The following TTC34 variants were observed in gnomAD, a reference collection of about 807,000 sequenced individuals.
TTC34 encodes the protein tetratricopeptide repeat domain 34.
TTC34 carries 44 observed loss-of-function variants against 40.7 expected under a neutral mutation model. The observed-to-expected ratio is 1.08, with a 90% confidence interval of 0.85 to 1.39. TTC34 has a LOEUF of 1.39. Among genes scored for constraint, TTC34 ranks in the 40% most tolerant of loss-of-function variants. The pLI, the probability that TTC34 is intolerant of heterozygous loss-of-function variation, is 0.00. For missense variants in TTC34, 884 were observed against 838.0 expected, an observed-to-expected ratio of 1.05 and a Z score of -0.68; for synonymous variants, 422 against 398.6, an observed-to-expected ratio of 1.06 and a Z score of -0.70.
exon 2 of TTC34, chr1:2,800,493 A>C: frequency 2.5e-6 from 1 of 398,630 alleles, no homozygotes. Flanking sequence ...GCGGGCCAGC[A>C]GACCTGCCAG....
intron 6 of TTC34, among the ~76,000 whole-genome samples, chr1:2,660,797 G>T (rs1304235773): frequency 4.7e-5 from 6 of 128,724 alleles, no homozygotes; most frequent in African/African-American, 9.4e-5. Flanking sequence ...CACACCCCCA[G>T]GTGAGCATCT....
chr1:2,684,983 G>C (rs567555097), intron 6 of TTC34, among the ~76,000 whole-genome samples: 1 of 142,660 alleles, frequency 7.0e-6, no homozygotes, highest in Admixed American at 7.0e-5. Flanking sequence ...TGACAGCTTA[G>C]AACAGCACCC....
rs1224136028 is a variant in TTC34, at chr1:2,641,577, C to G, written c.3031G>C (p.Ala1011Pro). 1.6e-5 allele frequency: 25 copies of G among 1,532,966 alleles called. No homozygotes were observed. In the Admixed American group the frequency reaches 4.5e-4, roughly 28 times the overall value. The allele number at this position is 1,532,966 out of a possible 1,614,324, so 95.0% of individuals were successfully genotyped here. A position where few individuals can be genotyped will look rare whatever the true frequency, so the allele number is the denominator to read the frequency against. ...GGCTGCCTGCACAGGCTGTTCTGGG[C>G]CAAGGAGGGCGCCAGCTTCAGGGCC... Residue 1011 changes from alanine (A) to proline (P), a missense_variant, in exon 9 of 9, where the codon GCC (alanine) becomes CCC (proline). Physicochemically the swap from Ala to Pro is conservative, Grantham distance 27. Coordinates refer to ENST00000401095, the Ensembl canonical transcript of TTC34.
chr1:2,654,013 C>T (rs1450082051), intron 6 of TTC34, among the ~76,000 whole-genome samples: 1 of 148,322 alleles, frequency 6.7e-6, no homozygotes, highest in Non-Finnish European at 1.5e-5. Flanking sequence ...CCCACACCCC[C>T]AGGCGAGCAT....
rs1210693567 is a variant in TTC34 at position 2,757,689 on chromosome 1, C to T, written c.2226+25920G>A. On this transcript the variant is annotated intron_variant, in intron 6 of 8. Coordinates refer to ENST00000401095, the Ensembl canonical transcript of TTC34. ...CCCACACCCCTAGGTGAACATCCGACATCGTGGAGCAGCACCCCACACCCA... is the reference window on the plus strand; with the variant it reads ...CCCACACCCCTAGGTGAACATCCGATATCGTGGAGCAGCACCCCACACCCA... Among the ~76,000 whole-genome samples the T allele has an allele frequency of 6.1e-4, 73 of 119,568 alleles. 3 individuals are homozygous for T. Among genetic ancestry groups the T allele is most frequent in the Admixed American group, 1.8e-3 (22 of 11,938 alleles). The allele number at this position is 119,568 out of a possible 152,430, so 78.4% of individuals were successfully genotyped here. A position where few individuals can be genotyped will look rare whatever the true frequency, so the allele number is the denominator to read the frequency against.
intron 6 of TTC34, among the ~76,000 whole-genome samples, chr1:2,777,840 C>A (rs558380862): frequency 4.6e-5 from 7 of 152,318 alleles, no homozygotes; most frequent in African/African-American, 1.4e-4. Flanking sequence ...CGGCCCTGGA[C>A]ACAGCGGGAG....
At chr1:2,651,362 T>G (rs1639128702) in intron 6 of TTC34, among the ~76,000 whole-genome samples, 1 of 151,860 alleles carries the variant, frequency 6.6e-6, no homozygotes. Context: ...AACCCATAGA[T>G]GAGTATGGGA....
In TTC34 at chr1:2,778,572, A is replaced by G. The variant is rs559456340; in HGVS notation, c.2226+5037T>C. ...GCTGGAGGAACCACTGTTCAGCCAC[A>G]TCTCCTCTCCTGCCCCTCCTGCATT... On this transcript the variant is annotated intron_variant, in intron 6 of 8. Transcript: ENST00000401095. Among the ~76,000 whole-genome samples, 8 of 152,218 alleles carry G rather than the reference A, an allele frequency of 5.3e-5. No homozygotes were observed. In the East Asian group the frequency reaches 1.6e-3, roughly 30 times the overall value.
At chr1:2,686,624 A>C (rs1304600834) in intron 6 of TTC34, among the ~76,000 whole-genome samples, 345 of 47,966 alleles carry the variant, frequency 7.2e-3, no homozygotes, top group African/African-American at 0.013. Flanking sequence ...ATCTGACAGC[A>C]TGTAACAGCA....
chr1:2,787,478 C>T lies in TTC34; in HGVS notation c.1854+3G>A. 3 of 1,477,056 alleles carry T rather than the reference C, an allele frequency of 2.0e-6. No homozygotes were observed. Among genetic ancestry groups the T allele is most frequent in the Admixed American group, 2.4e-5 (1 of 41,922 alleles). The allele number at this position is 1,477,056 out of a possible 1,614,324, so 91.5% of individuals were successfully genotyped here. On this transcript the variant is annotated splice_donor_region_variant and intron_variant, in intron 4 of 8. Transcript: ENST00000401095. ...CCCTCTGTCACCCCCCAGGCCTCCTCACCTGGTTGGCGTCATAGAAGAAGC... is the reference window on the plus strand; with the variant it reads ...CCCTCTGTCACCCCCCAGGCCTCCTTACCTGGTTGGCGTCATAGAAGAAGC...
intron 6 of TTC34, among the ~76,000 whole-genome samples, chr1:2,752,483 C>A (rs1641355004): frequency 6.8e-6 from 1 of 147,476 alleles, no homozygotes; most frequent in Admixed American, 6.8e-5. Context: ...CCTGGAACAG[C>A]ACCCACACAG....
intron 6 of TTC34, among the ~76,000 whole-genome samples, chr1:2,752,807 C>T (rs1236381181): frequency 1.9e-4 from 22 of 115,720 alleles, no homozygotes; most frequent in South Asian, 6.2e-4. Context: ...TGGAACAGCT[C>T]CCTGCATCCC....
chr1:2,794,810 AT>A, intron 2 of TTC34, among the ~76,000 whole-genome samples: 1 of 152,212 alleles, frequency 6.6e-6, no homozygotes, highest in East Asian at 1.9e-4. Flanking sequence ...GGAATGTGAA[AT>A]ATTATAAAAC....
chr1:2,653,240 C>T (rs1002085231), intron 6 of TTC34, among the ~76,000 whole-genome samples: 1 of 150,748 alleles, frequency 6.6e-6, no homozygotes, highest in Middle Eastern at 3.4e-3. Flanking sequence ...TGGAACAGCA[C>T]CCACATGCCC....
intron 6 of TTC34, among the ~76,000 whole-genome samples, chr1:2,760,700 C>T (rs1300882900): frequency 8.8e-5 from 1 of 11,414 alleles, no homozygotes; most frequent in Admixed American, 1.1e-3. Flanking sequence ...TTTGAGCATC[C>T]GACAGCCTGG....
chr1:2,771,628 G>T lies in TTC34; in HGVS notation c.2226+11981C>A, dbSNP rs375907925. Reference sequence around the variant, plus strand: ...CCCCCAAGTGAGCAGGTGACAGCCTGGAGCAGTGCCCACACCCCCGGGCGA... The same window carrying T: ...CCCCCAAGTGAGCAGGTGACAGCCTTGAGCAGTGCCCACACCCCCGGGCGA... On this transcript the variant is annotated intron_variant, in intron 6 of 8. Coordinates refer to ENST00000401095, the Ensembl canonical transcript of TTC34. Among the ~76,000 whole-genome samples the T allele has an allele frequency of 2.1e-3, 136 of 65,954 alleles. 2 individuals are homozygous for T. Among genetic ancestry groups the T allele is most frequent in the East Asian group, 0.016 (27 of 1,678 alleles). 43.3% of individuals were successfully genotyped at this position (65,954 alleles called of 152,430 possible). A position where few individuals can be genotyped will look rare whatever the true frequency, so the allele number is the denominator to read the frequency against.
intron 6 of TTC34, among the ~76,000 whole-genome samples, chr1:2,781,770 G>T (rs1445193012): frequency 6.6e-6 from 1 of 152,178 alleles, no homozygotes; most frequent in Non-Finnish European, 1.5e-5. Flanking sequence ...CATCAGTTGA[G>T]ATGATCATTT....
exon 2 of TTC34, chr1:2,800,479 G>A (rs1410651954): frequency 2.0e-5 from 8 of 398,454 alleles, no homozygotes; most frequent in Non-Finnish European, 2.7e-5. Flanking sequence ...TCTTCGTGAC[G>A]CCCGCGGGCC....
exon 5 of TTC34, chr1:2,786,020 C>A: frequency 6.8e-7 from 1 of 1,466,132 alleles, no homozygotes; most frequent in Non-Finnish European, 9.1e-7. Context: ...AGCTTCTTCA[C>A]CAACTGCAAG....
Sources: gnomAD v4.1 joint callset for allele counts (sites outside exome capture counted in the v4.1 genomes callset) on GRCh38, gnomAD v4.1.1 for gene constraint, MANE v1.5 for transcripts, NCBI Gene and HGNC (gene_info 2026-07-23, HGNC 2026-07-21) for gene names.